Variants in QTMAN observed in about 807,000 individuals in gnomAD.
QTMAN encodes queuosine-tRNA mannosyltransferase.
chr2:144,099,058 A>C, the QTMAN span, among the ~76,000 whole-genome samples: 102 of 152,314 alleles, frequency 6.7e-4, no homozygotes, highest in South Asian at 4.4e-3. Flanking sequence ...CTAACAATCA[A>C]ATGGCTGAAT....
the QTMAN span, chr2:143,946,172 A>G: frequency 6.6e-6 from 1 of 152,188 alleles, no homozygotes; most frequent in Non-Finnish European, 1.5e-5. Context: ...TATTGGAGAA[A>G]TATTTCTATC....
At chr2:144,312,663 T>C in the QTMAN span, among the ~76,000 whole-genome samples, 1 of 152,176 alleles carries the variant, frequency 6.6e-6, no homozygotes, top group African/African-American at 2.4e-5. Context: ...CCAAATCTCA[T>C]TGTAATTGTA....
the QTMAN span, among the ~76,000 whole-genome samples, chr2:144,045,411 C>T: frequency 6.6e-6 from 1 of 152,200 alleles, no homozygotes; most frequent in Non-Finnish European, 1.5e-5. Context: ...TTTAACACCA[C>T]ACATCTAACG....
chr2:144,124,832 A>G, the QTMAN span, among the ~76,000 whole-genome samples: 1 of 152,104 alleles, frequency 6.6e-6, no homozygotes, highest in African/African-American at 2.4e-5. Flanking sequence ...TTTTGCATTG[A>G]AATTTTTGAC....
the QTMAN span, among the ~76,000 whole-genome samples, chr2:144,127,615 C>T: frequency 6.6e-6 from 1 of 151,874 alleles, no homozygotes; most frequent in Admixed American, 6.6e-5. Context: ...CTGTGAGTGG[C>T]GATTAAAGTT....
At chr2:144,187,702 C>T in the QTMAN span, among the ~76,000 whole-genome samples, 2 of 152,122 alleles carry the variant, frequency 1.3e-5, no homozygotes, top group Non-Finnish European at 1.5e-5. Flanking sequence ...ACAACAAAAA[C>T]TGAAGGCACA....
At chr2:144,267,838 A>C in the QTMAN span, among the ~76,000 whole-genome samples, 6 of 152,230 alleles carry the variant, frequency 3.9e-5, no homozygotes, top group African/African-American at 1.2e-4. Flanking sequence ...CACATGCTCT[A>C]AATAGGTATT....
chr2:144,293,387 C>A, the QTMAN span, among the ~76,000 whole-genome samples: 1 of 152,220 alleles, frequency 6.6e-6, no homozygotes, highest in South Asian at 2.1e-4. Context: ...AATTGCTCCA[C>A]TGCATTAGAA....
chr2:144,192,871 CATTT>C, the QTMAN span, among the ~76,000 whole-genome samples: 2 of 152,162 alleles, frequency 1.3e-5, no homozygotes, highest in Non-Finnish European at 2.9e-5. Flanking sequence ...TACATTAGAA[CATTT>C]ATTTTCATTT....
the QTMAN span, among the ~76,000 whole-genome samples, chr2:144,016,412 T>C: frequency 6.6e-6 from 1 of 152,236 alleles, no homozygotes; most frequent in Non-Finnish European, 1.5e-5. Context: ...GATGATAGTA[T>C]AGGACAATAA....
chr2:144,299,325 A>T, the QTMAN span, among the ~76,000 whole-genome samples: 4 of 152,018 alleles, frequency 2.6e-5, no homozygotes, highest in African/African-American at 9.7e-5. Context: ...GAGTAAAGGG[A>T]TTCAAATGTC....
At chr2:144,208,573 C>T in the QTMAN span, 17 of 1,590,090 alleles carry the variant, frequency 1.1e-5, no homozygotes, top group Admixed American at 1.1e-4. Context: ...TTTTAAAAAA[C>T]GCTGAAAATG....
chr2:144,101,818 G>C, the QTMAN span, among the ~76,000 whole-genome samples: 1 of 151,942 alleles, frequency 6.6e-6, no homozygotes, highest in South Asian at 2.1e-4. Flanking sequence ...TAAACATTTT[G>C]GTTTTGAAAT....
the QTMAN span, among the ~76,000 whole-genome samples, chr2:144,036,675 C>T: frequency 6.6e-6 from 1 of 152,064 alleles, no homozygotes; most frequent in Non-Finnish European, 1.5e-5. Flanking sequence ...TCATTAAAGT[C>T]CATTTACAGT....
the QTMAN span, among the ~76,000 whole-genome samples, chr2:144,206,692 A>G: frequency 6.6e-6 from 1 of 152,188 alleles, no homozygotes; most frequent in African/African-American, 2.4e-5. Context: ...CCACCTCCCA[A>G]ATAACTTATC....
chr2:144,149,058 T>C, the QTMAN span, among the ~76,000 whole-genome samples: 4 of 151,904 alleles, frequency 2.6e-5, no homozygotes, highest in Admixed American at 6.6e-5. Flanking sequence ...AGGTGATCCA[T>C]AGGCAATTTT....
At chr2:144,133,457 A>ATATATAATATATAT in the QTMAN span, among the ~76,000 whole-genome samples, 1 of 39,580 alleles carries the variant, frequency 2.5e-5, no homozygotes, top group South Asian at 6.0e-4. Flanking sequence ...ATAATATATA[A>ATATATAATATATAT]TATATATTAT....
chr2:144,213,319 G>A, the QTMAN span, among the ~76,000 whole-genome samples: 1 of 151,976 alleles, frequency 6.6e-6, no homozygotes. Context: ...GAACTGCTGT[G>A]GTAGTTGAAA....
At chr2:144,150,922 A>C in the QTMAN span, among the ~76,000 whole-genome samples, 1 of 152,172 alleles carries the variant, frequency 6.6e-6, no homozygotes, top group Non-Finnish European at 1.5e-5. Context: ...GCTAAATTAC[A>C]GACATAAAAT....
Sources: gnomAD v4.1 joint callset for allele counts (sites outside exome capture counted in the v4.1 genomes callset) on GRCh38, gnomAD v4.1.1 for gene constraint, MANE v1.5 for transcripts, NCBI Gene and HGNC (gene_info 2026-07-23, HGNC 2026-07-21) for gene names.